Variants in ANKRD24 observed in about 807,000 individuals in gnomAD.
ANKRD24 encodes the protein ankyrin repeat domain-containing protein 24.
Under a neutral mutation model 127.8 loss-of-function variants are expected in ANKRD24, and 109 were observed. The ratio of observed to expected loss-of-function variants is 0.85; its 90% CI spans 0.73 to 1.00. ANKRD24 has a LOEUF of 1.00. Among genes scored for constraint, ANKRD24 ranks in the 50% least tolerant of loss-of-function variants. The pLI, the probability that ANKRD24 is intolerant of heterozygous loss-of-function variation, is 0.00. For synonymous variants in ANKRD24, 743 were observed against 671.1 expected (o/e 1.11, Z -1.66); for missense variants, 1,648 against 1,570.2 (o/e 1.05, Z -0.84).
At chr19:4,208,996 C>T in intron 11 of ANKRD24, 195 bp downstream of exon 11, 1 of 389,020 alleles carries the variant, frequency 2.6e-6, no homozygotes, top group Non-Finnish European at 4.7e-6. Flanking sequence ...GGTGAGAATA[C>T]TGGATGGGGC....
At position 4,216,932 on chromosome 19, in the gene ANKRD24, C is replaced by A. The variant is rs773358130; in HGVS notation, c.1772C>A (p.Ala591Asp). The part of the protein sequence containing the change: ...ATGAEATGAE[A>D]TGAKVTETKP... ...GGAGCCGAGGCCACGGGAGCTGAGG[C>A]CACAGGAGCCAAGGTCACAGAAACA... The change falls in exon 18 of 22, where the codon GCC (alanine) becomes GAC (aspartate). Residue 591 changes from alanine to aspartate, a missense_variant. Transcript: ENST00000318934. The A allele has an allele frequency of 5.0e-6, 8 of 1,610,870 alleles. No homozygotes were observed. The African/African-American group carries it at 5.4e-5, about 11-fold the overall frequency.
Position 4,212,514 on chromosome 19 carries a change from G to C in ANKRD24, c.1098+1G>C, listed in dbSNP as rs948161904. On this transcript the variant is annotated splice_donor_variant, in intron 14 of 21. Transcript: ENST00000318934. LOFTEE classifies it high-confidence loss of function. ...CTCCCTGCACATCCTGGAGAGACAG[G>C]TAGGTGGGAAGGTGGGGAGGAGCCG... 6.4e-7 allele frequency: 1 copy of C among 1,560,744 alleles called. No individual in the cohort carries two copies. Among genetic ancestry groups the C allele is most frequent in the Non-Finnish European group, 8.7e-7 (1 of 1,154,000 alleles).
chr19:4,207,192 G>T, intron 7 of ANKRD24, 50 bp from the exon 8 acceptor site: 1 of 1,565,756 alleles, frequency 6.4e-7, no homozygotes, highest in South Asian at 1.1e-5. Flanking sequence ...CCAAGGTGCT[G>T]GGATTACAGG....
chr19:4,223,399 A>AT (rs1248797551), intron 20 of ANKRD24, among the ~76,000 whole-genome samples: 1,163 of 56,194 alleles, frequency 0.021, 41 homozygotes, highest in African/African-American at 0.067. Flanking sequence ...ATATATATAT[A>AT]TATTTTTTTT....
Position 4,207,928 on chromosome 19 carries a change from C to T in ANKRD24, c.792C>T (p.His264=). The change falls in exon 10 of 22, where the codon CAC becomes CAT. Residue 264 remains histidine (H), a synonymous_variant. Coordinates refer to ENST00000318934, the MANE Select transcript of ANKRD24 (RefSeq NM_001393985.1). ...GALAGDKLIL[H]LLQEAAQRPS... Reference sequence around the variant, plus strand: ...TGGCGGGGGACAAACTCATCCTGCACCTTCTGCAAGAGGCGGCCCAGCGCC... The same window carrying T: ...TGGCGGGGGACAAACTCATCCTGCATCTTCTGCAAGAGGCGGCCCAGCGCC... The T allele has an allele frequency of 6.5e-7, 1 of 1,545,464 alleles. No individual in the cohort carries two copies. The highest frequency in any genetic ancestry group is 1.4e-5 in the African/African-American group (1 of 72,752).
intron 5 of ANKRD24, among the ~76,000 whole-genome samples, chr19:4,201,461 G>A (rs566733070): frequency 5.9e-5 from 9 of 152,196 alleles, no homozygotes; most frequent in African/African-American, 2.2e-4. Flanking sequence ...TGGGGACATG[G>A]GGAGTAGCTG....
At chr19:4,200,550 C>T (rs1328707304) in intron 5 of ANKRD24, among the ~76,000 whole-genome samples, 1 of 151,750 alleles carries the variant, frequency 6.6e-6, no homozygotes, top group Non-Finnish European at 1.5e-5. Context: ...ACAGGGTCTC[C>T]CTCTGTCACC....
intron 11 of ANKRD24, among the ~76,000 whole-genome samples, chr19:4,209,470 G>T (rs963449350): frequency 6.7e-6 from 1 of 149,998 alleles, no homozygotes; most frequent in Non-Finnish European, 1.5e-5. Flanking sequence ...TTTTTTGAGA[G>T]ATGGAGTCTC....
At chr19:4,211,123 G>A (rs1969714358) in intron 13 of ANKRD24, among the ~76,000 whole-genome samples, 2 of 151,986 alleles carry the variant, frequency 1.3e-5, no homozygotes, top group South Asian at 2.1e-4. Flanking sequence ...GTGAGCCACC[G>A]CACCCGGCCT....
chr19:4,182,850 C>G, intron 1 of ANKRD24, 110 bp downstream of exon 1: 8 of 600,524 alleles, frequency 1.3e-5, no homozygotes, highest in Non-Finnish European at 1.7e-5. Context: ...CACAGGCTAT[C>G]CATGTCCCCA....
At chr19:4,224,057 C>G in intron 20 of ANKRD24, 70 bp from the exon 21 acceptor site, 1 of 1,351,104 alleles carries the variant, frequency 7.4e-7, no homozygotes. Flanking sequence ...GCAAAGGGTG[C>G]TTTTTGGTGT....
chr19:4,191,315 AGGCCC>A (rs1968370727), intron 2 of ANKRD24, among the ~76,000 whole-genome samples: 1 of 23,146 alleles, frequency 4.3e-5, no homozygotes, highest in Admixed American at 2.3e-4. Flanking sequence ...TGCAGGGGCC[AGGCCC>A]CCCCCTCCTG....
chr19:4,224,385 T>G, intron 21 of ANKRD24, 43 bp from the exon 22 acceptor site: 2 of 1,595,104 alleles, frequency 1.3e-6, no homozygotes, highest in South Asian at 1.1e-5. Flanking sequence ...GGGGCAGCCA[T>G]GGAGGGTATA....
chr19:4,200,456 G>A (rs1969036896), intron 5 of ANKRD24, among the ~76,000 whole-genome samples: 1 of 152,042 alleles, frequency 6.6e-6, no homozygotes, highest in Admixed American at 6.6e-5. Flanking sequence ...GAAGTAGCTG[G>A]CATGGGGAAG....
At chr19:4,212,371 C>A in intron 13 of ANKRD24, 104 bp from the exon 14 acceptor site, 2 of 1,344,188 alleles carry the variant, frequency 1.5e-6, no homozygotes, top group Non-Finnish European at 2.0e-6. Context: ...AATAGTTGCA[C>A]GTGGAATGCG....
At chr19:4,186,527 G>T in intron 2 of ANKRD24, 66 bp downstream of exon 2, 1 of 1,535,034 alleles carries the variant, frequency 6.5e-7, no homozygotes, top group South Asian at 1.2e-5. Context: ...CCTGGGGCTT[G>T]GCTGAAGATC....
At chr19:4,201,069 G>A (rs1369876812) in intron 5 of ANKRD24, among the ~76,000 whole-genome samples, 1 of 152,180 alleles carries the variant, frequency 6.6e-6, no homozygotes, top group South Asian at 2.1e-4. Flanking sequence ...AGGTATATGG[G>A]ATAGCTGGGA....
chr19:4,189,280 CT>C (rs1211434398), intron 2 of ANKRD24, among the ~76,000 whole-genome samples: 2 of 106,488 alleles, frequency 1.9e-5, no homozygotes, highest in Non-Finnish European at 3.5e-5. Flanking sequence ...GAGTCTCACT[CT>C]GTTGCTCAGG....
At chr19:4,215,889 T>C (rs1483347544) in intron 15 of ANKRD24, 89 bp from the exon 16 acceptor site, 8 of 1,038,122 alleles carry the variant, frequency 7.7e-6, no homozygotes, top group Non-Finnish European at 1.1e-5. Flanking sequence ...TACAGGTATG[T>C]GAACAGCCCA....
Sources: gnomAD v4.1 joint callset for allele counts (sites outside exome capture counted in the v4.1 genomes callset) on GRCh38, gnomAD v4.1.1 for gene constraint, MANE v1.5 for transcripts, NCBI Gene and HGNC (gene_info 2026-07-23, HGNC 2026-07-21) for gene names.